Variants in TENM2 observed in about 807,000 individuals in gnomAD.
TENM2 encodes the protein teneurin-2.
A neutral mutation model predicts 245.2 loss-of-function variants in TENM2; 52 were observed. The observed-to-expected ratio is 0.21, with a 90% CI of 0.17 to 0.27. The LOEUF is 0.27. TENM2 is among the 10% of genes least tolerant of loss of function. The probability of loss-of-function intolerance (pLI) is 1.00; values close to 1 mark genes in which losing one functional copy is unlikely to be tolerated. For synonymous variants in TENM2, 1,363 were observed against 1,438.9 expected (o/e 0.95, Z 1.19); for missense variants, 3,046 against 3,666.8 (o/e 0.83, Z 4.37).
At chr5:168,053,200 A>T (rs1305783255) in intron 6 of TENM2, among the ~76,000 whole-genome samples, 1 of 152,142 alleles carries the variant, frequency 6.6e-6, no homozygotes, top group Non-Finnish European at 1.5e-5. Context: ...AACTCCCCTC[A>T]TTTAGGAGGC....
the TENM2 span, among the ~76,000 whole-genome samples, chr5:167,097,276 A>G: frequency 6.6e-6 from 1 of 152,176 alleles, no homozygotes; most frequent in Non-Finnish European, 1.5e-5. Flanking sequence ...GTTATTTACA[A>G]AGAACTGCAC....
intron 1 of TENM2, among the ~76,000 whole-genome samples, chr5:167,304,979 A>G (rs544286235): frequency 6.6e-6 from 1 of 152,024 alleles, no homozygotes; most frequent in Non-Finnish European, 1.5e-5. Flanking sequence ...TTTAATAAAT[A>G]GTTGTTGAAC....
intron 13 of TENM2, among the ~76,000 whole-genome samples, chr5:168,181,572 C>T (rs1033427906): frequency 6.6e-6 from 1 of 151,434 alleles, no homozygotes; most frequent in Non-Finnish European, 1.5e-5. Flanking sequence ...GATCTCTGGA[C>T]TTGGAAGTCA....
intron 3 of TENM2, among the ~76,000 whole-genome samples, chr5:167,918,726 G>A (rs1777132267): frequency 6.6e-6 from 1 of 150,948 alleles, no homozygotes; most frequent in Admixed American, 6.6e-5. Flanking sequence ...AGCACCTCCT[G>A]TTAGGCTGAC....
chr5:168,107,206 A>AT (rs58080470), intron 9 of TENM2, among the ~76,000 whole-genome samples: 28,316 of 151,772 alleles, frequency 0.19, 2,838 homozygotes, highest in Admixed American at 0.25. Flanking sequence ...TTTCTGCTCC[A>AT]TTTTTCCTCT....
At chr5:167,614,844 C>T (rs1777689941) in intron 2 of TENM2, among the ~76,000 whole-genome samples, 1 of 152,096 alleles carries the variant, frequency 6.6e-6, no homozygotes, top group Non-Finnish European at 1.5e-5. Context: ...TCACATCAAT[C>T]CCGCATCCCC....
intron 1 of TENM2, among the ~76,000 whole-genome samples, chr5:167,356,948 A>G (rs1759372496): frequency 6.6e-6 from 1 of 152,148 alleles, no homozygotes; most frequent in South Asian, 2.1e-4. Context: ...ATTTCTTTTG[A>G]TTTTCATAGA....
intron 8 of TENM2, among the ~76,000 whole-genome samples, chr5:168,096,885 A>T (rs1409747903): frequency 6.6e-6 from 1 of 152,234 alleles, no homozygotes; most frequent in African/African-American, 2.4e-5. Context: ...ATTTTTAAAG[A>T]ATATGACTAT....
the TENM2 span, among the ~76,000 whole-genome samples, chr5:167,045,002 T>G: frequency 6.6e-6 from 1 of 150,432 alleles, no homozygotes; most frequent in Non-Finnish European, 1.5e-5. Context: ...TTTCAGAAGC[T>G]GATGGGGAAG....
intron 5 of TENM2, among the ~76,000 whole-genome samples, chr5:168,042,197 G>A (rs73803856): frequency 5.1e-4 from 78 of 152,210 alleles, no homozygotes; most frequent in African/African-American, 1.8e-3. Context: ...GACCCAGCAG[G>A]CATGGCTCTC....
chr5:167,860,456 C>G (rs1386935368), intron 2 of TENM2, among the ~76,000 whole-genome samples: 1 of 113,640 alleles, frequency 8.8e-6, no homozygotes, highest in Non-Finnish European at 1.8e-5. Flanking sequence ...CCGCCCCGTC[C>G]GGGAGGTGAG....
At chr5:167,849,743 T>C (rs1258056489) in intron 2 of TENM2, among the ~76,000 whole-genome samples, 1 of 152,180 alleles carries the variant, frequency 6.6e-6, no homozygotes, top group African/African-American at 2.4e-5. Flanking sequence ...CAAGGAAATA[T>C]TTTACCTACA....
intron 7 of TENM2, among the ~76,000 whole-genome samples, chr5:168,090,250 A>ACACACG (rs1309100453): frequency 6.7e-6 from 1 of 150,316 alleles, no homozygotes; most frequent in African/African-American, 2.5e-5. Context: ...ACACACACAC[A>ACACACG]CACACACACA....
chr5:167,984,749 C>T lies in TENM2; in HGVS notation c.948-8195C>T, dbSNP rs139202356. Among the ~76,000 whole-genome samples the T allele has an allele frequency of 5.7e-4, 87 of 152,286 alleles. 1 individual carries two copies. The highest frequency in any genetic ancestry group is 3.4e-3 in the Middle Eastern group (1 of 294). ...AAAGACAGAACGCTTAAGCGATCAC[C>T]TAGTTTTGCTACTCAAGTAGGGCTC... On this transcript the variant is annotated intron_variant, in intron 4 of 28. Transcript: ENST00000518659.
At chr5:168,116,990 G>A (rs1289162171) in intron 9 of TENM2, among the ~76,000 whole-genome samples, 1 of 152,168 alleles carries the variant, frequency 6.6e-6, no homozygotes, top group Admixed American at 6.5e-5. Flanking sequence ...GAGGATTTTA[G>A]GCCCAAATTT....
chr5:167,568,925 TTCTG>T (rs1774088534), intron 2 of TENM2, among the ~76,000 whole-genome samples: 1 of 151,982 alleles, frequency 6.6e-6, no homozygotes, highest in Non-Finnish European at 1.5e-5. Flanking sequence ...GTGTGGTTAG[TTCTG>T]TCTTTCTGTG....
At chr5:167,372,830 G>T (rs1223291893) in intron 1 of TENM2, among the ~76,000 whole-genome samples, 3 of 152,164 alleles carry the variant, frequency 2.0e-5, no homozygotes, top group Non-Finnish European at 4.4e-5. Flanking sequence ...TTGTAATATT[G>T]TGTATACACA....
chr5:167,582,785 C>A (rs1775182979), intron 2 of TENM2, among the ~76,000 whole-genome samples: 1 of 151,922 alleles, frequency 6.6e-6, no homozygotes, highest in Non-Finnish European at 1.5e-5. Flanking sequence ...GTTACCAGAA[C>A]AAAAAGGTAA....
intron 3 of TENM2, among the ~76,000 whole-genome samples, chr5:167,911,226 G>A (rs1395877353): frequency 6.6e-6 from 1 of 152,100 alleles, no homozygotes; most frequent in East Asian, 1.9e-4. Flanking sequence ...AGAGTGGTTA[G>A]TGAGGTGAGA....
Sources: gnomAD v4.1 joint callset for allele counts (sites outside exome capture counted in the v4.1 genomes callset) on GRCh38, gnomAD v4.1.1 for gene constraint, MANE v1.5 for transcripts, NCBI Gene and HGNC (gene_info 2026-07-23, HGNC 2026-07-21) for gene names.